The following PRELID2 variants were observed in gnomAD, a reference collection of about 807,000 sequenced individuals.
PRELID2 encodes PRELI domain containing 2.
PRELID2 carries 25 observed loss-of-function variants against 28.4 expected under a neutral mutation model. The observed-to-expected ratio is 0.88, with a 90% CI of 0.64 to 1.23. The LOEUF (loss-of-function observed/expected upper bound fraction) is 1.23, where lower values mean the gene tolerates loss of function less well. Among genes scored for constraint, PRELID2 ranks in the 50% most tolerant of loss-of-function variants. The probability of loss-of-function intolerance (pLI) is 0.00; values close to 1 mark genes in which losing one functional copy is unlikely to be tolerated. For synonymous variants in PRELID2, 76 were observed against 71.6 expected, an observed-to-expected ratio of 1.06 and a Z score of -0.31; for missense variants, 201 against 214.4, an observed-to-expected ratio of 0.94 and a Z score of 0.39.
intron 1 of PRELID2, among the ~76,000 whole-genome samples, chr5:145,721,330 A>G (rs887041364): frequency 1.3e-5 from 2 of 152,192 alleles, no homozygotes; most frequent in Non-Finnish European, 2.9e-5. Flanking sequence ...GAACATTTTG[A>G]GAACAGCTAT....
chr5:145,453,209 C>G, the PRELID2 span, among the ~76,000 whole-genome samples: 1 of 152,016 alleles, frequency 6.6e-6, no homozygotes. Flanking sequence ...TATATTTTGC[C>G]ACATAAAAAA....
chr5:145,576,918 T>G (rs1352126775), intron 1 of PRELID2, among the ~76,000 whole-genome samples: 1 of 152,142 alleles, frequency 6.6e-6, no homozygotes, highest in East Asian at 1.9e-4. Flanking sequence ...ATATTACATG[T>G]ACCCCTAAAA....
At chr5:145,755,963 C>G (rs893523405), downstream of PRELID2, among the ~76,000 whole-genome samples, 12 of 152,168 alleles carry the variant, frequency 7.9e-5, no homozygotes, top group African/African-American at 2.9e-4. Context: ...AAATACGAAA[C>G]AGAAACAAAG....
chr5:145,467,580 G>A (rs1328079549), downstream of PRELID2, among the ~76,000 whole-genome samples: 1 of 152,098 alleles, frequency 6.6e-6, no homozygotes, highest in African/African-American at 2.4e-5. Flanking sequence ...ACCGTGCAAA[G>A]TACTTTACAT....
chr5:145,329,114 T>C, the PRELID2 span, among the ~76,000 whole-genome samples: 5 of 152,218 alleles, frequency 3.3e-5, no homozygotes, highest in Non-Finnish European at 7.3e-5. Flanking sequence ...CTGAAGCCTC[T>C]GTTCTGTTCC....
intron 4 of PRELID2, among the ~76,000 whole-genome samples, chr5:145,800,963 CAAGAT>C (rs1434569530): frequency 1.3e-5 from 2 of 151,840 alleles, no homozygotes; most frequent in Non-Finnish European, 2.9e-5. Context: ...AAAAAAAAGA[CAAGAT>C]GGATGGATGG....
At chr5:145,593,305 C>T (rs748706000) in intron 1 of PRELID2, among the ~76,000 whole-genome samples, 2 of 152,132 alleles carry the variant, frequency 1.3e-5, no homozygotes, top group Admixed American at 1.3e-4. Context: ...GGAACCAGGG[C>T]TCCTTAGAGA....
chr5:145,656,459 T>G (rs115798350), intron 1 of PRELID2, among the ~76,000 whole-genome samples: 5 of 152,026 alleles, frequency 3.3e-5, no homozygotes, highest in Non-Finnish European at 5.9e-5. Flanking sequence ...ACATGTATGT[T>G]CATTGCGGCA....
chr5:145,569,906 G>C (rs151274382), intron 1 of PRELID2, among the ~76,000 whole-genome samples: 1 of 152,274 alleles, frequency 6.6e-6, no homozygotes, highest in African/African-American at 2.4e-5. Flanking sequence ...TGCTATAACA[G>C]AGTATAGCAA....
the PRELID2 span, among the ~76,000 whole-genome samples, chr5:145,416,853 C>G: frequency 6.6e-6 from 1 of 151,700 alleles, no homozygotes; most frequent in Non-Finnish European, 1.5e-5. Context: ...GTGAATCCAG[C>G]TTTAACCCAA....
the PRELID2 span, among the ~76,000 whole-genome samples, chr5:145,273,177 A>G: frequency 6.6e-6 from 1 of 152,202 alleles, no homozygotes; most frequent in African/African-American, 2.4e-5. Flanking sequence ...GTAGGGAATG[A>G]ACTGAAAAAG....
intron 1 of PRELID2, among the ~76,000 whole-genome samples, chr5:145,477,019 T>G (rs1752108354): frequency 1.3e-5 from 2 of 152,240 alleles, no homozygotes; most frequent in African/African-American, 2.4e-5. Flanking sequence ...GATGTTTTTC[T>G]ATAATATAAT....
At chr5:145,412,602 T>G in the PRELID2 span, among the ~76,000 whole-genome samples, 1 of 152,204 alleles carries the variant, frequency 6.6e-6, no homozygotes, top group African/African-American at 2.4e-5. Flanking sequence ...TCTCACATTT[T>G]TCTGTCTTAT....
the PRELID2 span, among the ~76,000 whole-genome samples, chr5:145,282,278 CCAGGGTTTGCTTA>C: frequency 6.6e-6 from 1 of 152,108 alleles, no homozygotes; most frequent in East Asian, 1.9e-4. Flanking sequence ...CAAAATGACT[CCAGGGTTTGCTTA>C]CTGTATTTAT....
intron 1 of PRELID2, among the ~76,000 whole-genome samples, chr5:145,727,637 C>G (rs1461641032): frequency 6.6e-6 from 1 of 152,152 alleles, no homozygotes; most frequent in Non-Finnish European, 1.5e-5. Flanking sequence ...AGCACACAAC[C>G]ACCAGAACAA....
chr5:145,397,774 T>C, the PRELID2 span, among the ~76,000 whole-genome samples: 6 of 152,246 alleles, frequency 3.9e-5, no homozygotes, highest in Non-Finnish European at 5.9e-5. Context: ...AAGTTATGAA[T>C]TGTGCCTGCC....
At chr5:145,359,532 A>T in the PRELID2 span, among the ~76,000 whole-genome samples, 2 of 152,198 alleles carry the variant, frequency 1.3e-5, no homozygotes, top group African/African-American at 2.4e-5. Flanking sequence ...TTATGACCAC[A>T]TGGTAGAAAT....
chr5:145,771,999 G>C (rs535436544), intron 5 of PRELID2, among the ~76,000 whole-genome samples: 1 of 152,190 alleles, frequency 6.6e-6, no homozygotes, highest in African/African-American at 2.4e-5. Context: ...TCTCCATGAA[G>C]AGATCTTCTA....
At chr5:145,308,109 G>A in the PRELID2 span, among the ~76,000 whole-genome samples, 2 of 152,170 alleles carry the variant, frequency 1.3e-5, no homozygotes, top group Admixed American at 1.3e-4. Flanking sequence ...AAGAATGTAT[G>A]AGCCATTATC....
Sources: gnomAD v4.1 joint callset for allele counts (sites outside exome capture counted in the v4.1 genomes callset) on GRCh38, gnomAD v4.1.1 for gene constraint, MANE v1.5 for transcripts, NCBI Gene and HGNC (gene_info 2026-07-23, HGNC 2026-07-21) for gene names.